The following TTBK2 variants were observed in gnomAD, a reference collection of about 807,000 sequenced individuals.
TTBK2 encodes tau tubulin kinase 2.
TTBK2 carries 28 observed loss-of-function variants against 110.8 expected under a neutral mutation model. That is an observed-to-expected ratio of 0.25 (90% CI 0.19 to 0.35). The LOEUF is 0.35. TTBK2 is among the 10% of genes least tolerant of loss of function. The probability of loss-of-function intolerance (pLI) is 1.00; values close to 1 mark genes in which losing one functional copy is unlikely to be tolerated. For missense variants in TTBK2, 1,369 were observed against 1,500.3 expected (o/e 0.91, Z 1.45); for synonymous variants, 532 against 527.3 (o/e 1.01, Z -0.12).
Position 42,746,196 on chromosome 15 carries a change from C to T in TTBK2, c.3334G>A (p.Ala1112Thr), listed in dbSNP as rs996012114. The change falls in exon 15 of 15, where the codon GCC (alanine) becomes ACC (threonine). Residue 1112 changes from alanine (A) to threonine (T), a missense_variant. Ala to Thr is a moderately conservative substitution (Grantham distance 58). Coordinates refer to ENST00000267890, the MANE Select transcript of TTBK2 (RefSeq NM_173500.4). The stretch of plus-strand genomic sequence containing the variant: ...TGAGATCCATTTTGAAGAATTTGGG[C>T]CAGGCGGGAGAAAAGGTCTGAGTCG... Reference protein sequence around the residue: ...NSDSDLFSRLAQILQNGSQKP... With the variant: ...NSDSDLFSRLTQILQNGSQKP... 6.2e-7 allele frequency: 1 copy of T among 1,613,918 alleles called. No individual in the cohort carries two copies. The highest frequency in any genetic ancestry group is 1.3e-5 in the African/African-American group (1 of 74,860).
chr15:42,766,012 C>A (rs1889353796), intron 13 of TTBK2, among the ~76,000 whole-genome samples: 1 of 152,086 alleles, frequency 6.6e-6, no homozygotes, highest in Non-Finnish European at 1.5e-5. Flanking sequence ...TCATATCCAG[C>A]CAAACTAAGC....
intron 13 of TTBK2, among the ~76,000 whole-genome samples, chr15:42,772,562 T>C (rs897700321): frequency 2.6e-5 from 4 of 152,210 alleles, no homozygotes; most frequent in African/African-American, 9.6e-5. Context: ...AAATTTGGGC[T>C]AATTTGTTAC....
At chr15:42,828,118 T>C (rs1892606989) in intron 5 of TTBK2, 86 bp from the exon 6 acceptor site, 2 of 1,046,846 alleles carry the variant, frequency 1.9e-6, no homozygotes, top group African/African-American at 1.6e-5. Context: ...AGTCTTCTTC[T>C]ATTTAAGCTC....
chr15:42,894,634 C>G (rs1895595321), intron 1 of TTBK2, among the ~76,000 whole-genome samples: 1 of 151,978 alleles, frequency 6.6e-6, no homozygotes, highest in Non-Finnish European at 1.5e-5. Context: ...ACACCTGTAG[C>G]CTCAGCTACT....
At chr15:42,837,699 T>A (rs1172842661) in intron 4 of TTBK2, among the ~76,000 whole-genome samples, 4 of 148,436 alleles carry the variant, frequency 2.7e-5, no homozygotes, top group African/African-American at 9.9e-5. Context: ...GGATAGCTGC[T>A]TAAGGAAATA....
rs966013915 is a variant in TTBK2 at position 42,871,692 on chromosome 15, T to C, written c.217+919A>G. ...TCAGAAAAAGAAAGAGCCATCCTTT[T>C]ACCTATTCTTTCTTCTCCAATTATT... On this transcript the variant is annotated intron_variant, in intron 3 of 14. Transcript: ENST00000267890. 1.2e-5 allele frequency: 6 copies of C among 516,490 alleles called. No homozygotes were observed. In the African/African-American group the frequency reaches 1.3e-4, roughly 11 times the overall value. 32.0% of individuals were successfully genotyped at this position (516,490 alleles called of 1,614,324 possible).
intron 9 of TTBK2, among the ~76,000 whole-genome samples, chr15:42,804,397 C>T (rs553419740): frequency 3.2e-4 from 48 of 150,992 alleles, no homozygotes; most frequent in African/African-American, 9.5e-4. Context: ...GCTGAGATCA[C>T]GCCATTGCAC....
At chr15:42,819,272 T>G (rs1041200426) in intron 6 of TTBK2, among the ~76,000 whole-genome samples, 1 of 150,020 alleles carries the variant, frequency 6.7e-6, no homozygotes, top group Admixed American at 6.7e-5. Context: ...ATCGACACCA[T>G]CCTGACCAAC....
At chr15:42,820,943 T>A (rs1892265992) in intron 6 of TTBK2, among the ~76,000 whole-genome samples, 1 of 151,880 alleles carries the variant, frequency 6.6e-6, no homozygotes, top group Admixed American at 6.6e-5. Flanking sequence ...CCCAGCTATT[T>A]AGGAGGATGT....
In TTBK2 at chr15:42,868,401, T is replaced by C; in HGVS notation, c.217+4210A>G. On this transcript the variant is annotated intron_variant, in intron 3 of 14. Coordinates refer to ENST00000267890, the MANE Select transcript of TTBK2 (RefSeq NM_173500.4). ...ATGTAGGTTCATCAATTGTAACAAA[T>C]GTACAGCTGTGGGGATGATGATACT... Among the ~76,000 whole-genome samples, 2 of 152,054 alleles carry C rather than the reference T, an allele frequency of 1.3e-5. 1 individual carries two copies. The highest frequency in any genetic ancestry group is 2.9e-5 in the Non-Finnish European group (2 of 67,992).
chr15:42,815,958 AAT>A (rs1555427628), intron 7 of TTBK2, among the ~76,000 whole-genome samples: 2 of 91,716 alleles, frequency 2.2e-5, no homozygotes, highest in Non-Finnish European at 3.7e-5. Context: ...TTAAAAAAAA[AAT>A]ATATATATAT....
rs560635888 is a variant in TTBK2 at position 42,896,795 on chromosome 15, C to CA, written c.-67-18112dup. Among the ~76,000 whole-genome samples, 66 of 150,828 alleles carry CA rather than the reference C, an allele frequency of 4.4e-4. No individual in the cohort carries two copies. The East Asian group carries it at 0.012, about 28-fold the overall frequency. ...GGGCAATAGAGTGAGACCCTGTCTC[C>CA]AAAAAAATAAAATAAATAAATAAAA... On this transcript the variant is annotated intron_variant, in intron 1 of 14. Transcript: ENST00000267890.
intron 13 of TTBK2, among the ~76,000 whole-genome samples, chr15:42,763,192 A>ATATT (rs1889180506): frequency 7.5e-5 from 1 of 13,384 alleles, no homozygotes; most frequent in Non-Finnish European, 1.2e-4. Flanking sequence ...ATATATATAT[A>ATATT]TTTTTTTTTT....
chr15:42,784,947 C>T (rs1419698968), intron 10 of TTBK2, among the ~76,000 whole-genome samples: 1 of 151,958 alleles, frequency 6.6e-6, no homozygotes, highest in African/African-American at 2.4e-5. Context: ...GCTATGTGCC[C>T]CAAGTACTTT....
chr15:42,763,163 T>TATAC (rs1889139271), intron 13 of TTBK2, among the ~76,000 whole-genome samples: 2 of 11,806 alleles, frequency 1.7e-4, no homozygotes, highest in Non-Finnish European at 1.6e-4. Flanking sequence ...TATACATATA[T>TATAC]ATATATATAT....
chr15:42,835,724 T>C (rs1892960399), intron 4 of TTBK2, among the ~76,000 whole-genome samples: 1 of 152,148 alleles, frequency 6.6e-6, no homozygotes. Flanking sequence ...TATTAGGTAT[T>C]GTGGTTACTT....
At chr15:42,892,337 T>C (rs987217349) in intron 1 of TTBK2, among the ~76,000 whole-genome samples, 1 of 152,166 alleles carries the variant, frequency 6.6e-6, no homozygotes, top group African/African-American at 2.4e-5. Context: ...GATTTTATAC[T>C]ACTAGAGCAG....
At chr15:42,803,855 C>T (rs1438178416) in intron 9 of TTBK2, among the ~76,000 whole-genome samples, 1 of 151,404 alleles carries the variant, frequency 6.6e-6, no homozygotes, top group African/African-American at 2.4e-5. Flanking sequence ...GGTGAAACCC[C>T]ATCTCTACTA....
At chr15:42,774,687 G>A (rs566515670) in intron 13 of TTBK2, among the ~76,000 whole-genome samples, 2 of 152,298 alleles carry the variant, frequency 1.3e-5, no homozygotes, top group African/African-American at 2.4e-5. Context: ...TGAAGTATGA[G>A]AAATTCCTGG....
Sources: gnomAD v4.1 joint callset for allele counts (sites outside exome capture counted in the v4.1 genomes callset) on GRCh38, gnomAD v4.1.1 for gene constraint, MANE v1.5 for transcripts, NCBI Gene and HGNC (gene_info 2026-07-23, HGNC 2026-07-21) for gene names.